Variants in NELL1 observed in about 807,000 individuals in gnomAD.
The protein encoded by NELL1 is neural EGFL like 1.
In NELL1, 76 loss-of-function variants were observed where a neutral mutation model predicts 107.4. The ratio of observed to expected loss-of-function variants is 0.71; its 90% CI spans 0.59 to 0.86. The LOEUF is 0.86. Among genes scored for constraint, NELL1 ranks in the 40% least tolerant of loss-of-function variants. The probability of loss-of-function intolerance (pLI) is 0.00; values close to 1 mark genes in which losing one functional copy is unlikely to be tolerated. For synonymous variants in NELL1, 353 were observed against 341.2 expected (o/e 1.03, Z -0.38); for missense variants, 1,024 against 1,005.5 (o/e 1.02, Z -0.25).
intron 12 of NELL1, among the ~76,000 whole-genome samples, chr11:21,050,044 A>G (rs1185453767): frequency 1.3e-5 from 2 of 152,200 alleles, no homozygotes; most frequent in Non-Finnish European, 2.9e-5. Context: ...GCAAACGCAG[A>G]TGTAGACATC....
At chr11:21,278,497 C>G (rs887398548) in intron 14 of NELL1, among the ~76,000 whole-genome samples, 2 of 152,010 alleles carry the variant, frequency 1.3e-5, no homozygotes, top group South Asian at 4.2e-4. Flanking sequence ...TGTATACTGG[C>G]AATGAACAAG....
chr11:21,435,398 G>GTT (rs34432802), intron 15 of NELL1, among the ~76,000 whole-genome samples: 2 of 146,208 alleles, frequency 1.4e-5, no homozygotes, highest in Non-Finnish European at 1.5e-5. Flanking sequence ...TTGTTTGTTT[G>GTT]TTTTTTACCA....
chr11:21,148,357 C>CG (rs1326513974), intron 13 of NELL1, among the ~76,000 whole-genome samples: 1 of 151,956 alleles, frequency 6.6e-6, no homozygotes, highest in African/African-American at 2.4e-5. Context: ...GAGAGGTCGC[C>CG]GGGGGGAGGG....
intron 4 of NELL1, among the ~76,000 whole-genome samples, chr11:20,876,895 G>T (rs1342416626): frequency 1.3e-5 from 2 of 152,220 alleles, no homozygotes; most frequent in African/African-American, 4.8e-5. Flanking sequence ...CCTATGGACT[G>T]AATGCTGAAT....
chr11:20,766,337 C>A (rs16906776), intron 2 of NELL1, among the ~76,000 whole-genome samples: 2 of 152,066 alleles, frequency 1.3e-5, no homozygotes, highest in African/African-American at 4.8e-5. Flanking sequence ...CAGATAGTGC[C>A]TCAAAGAGGA....
At chr11:21,419,338 A>C (rs550040636) in intron 15 of NELL1, among the ~76,000 whole-genome samples, 14 of 152,278 alleles carry the variant, frequency 9.2e-5, no homozygotes, top group Non-Finnish European at 1.9e-4. Flanking sequence ...AAATTGGAAA[A>C]AAAATTCTAT....
intron 2 of NELL1, among the ~76,000 whole-genome samples, chr11:20,722,691 G>A (rs1018338): frequency 1.3e-5 from 2 of 152,046 alleles, no homozygotes; most frequent in African/African-American, 2.4e-5. Context: ...AGTGCAAGCC[G>A]AAGAAGCCAG....
At chr11:20,754,464 C>T (rs562616190) in intron 2 of NELL1, among the ~76,000 whole-genome samples, 10 of 152,236 alleles carry the variant, frequency 6.6e-5, no homozygotes, top group South Asian at 2.1e-4. Context: ...GCAACTTGCA[C>T]GAACACGTCA....
intron 15 of NELL1, among the ~76,000 whole-genome samples, chr11:21,468,632 G>C (rs1019524839): frequency 6.6e-6 from 1 of 152,052 alleles, no homozygotes; most frequent in Non-Finnish European, 1.5e-5. Flanking sequence ...GAAAAAAAAT[G>C]AAGTGGGTTA....
chr11:21,170,049 C>T (rs1486746470), intron 13 of NELL1: 5 of 1,146,622 alleles, frequency 4.4e-6, no homozygotes, highest in Non-Finnish European at 6.5e-6. Flanking sequence ...GACCACATCC[C>T]TGAGCCTGAA....
chr11:20,901,678 T>G (rs1293109060), intron 5 of NELL1, among the ~76,000 whole-genome samples: 4 of 151,870 alleles, frequency 2.6e-5, no homozygotes, highest in Non-Finnish European at 5.9e-5. Context: ...GACTTAGCCA[T>G]CCAGATGTGA....
chr11:21,123,026 A>T (rs1160446264), intron 13 of NELL1, among the ~76,000 whole-genome samples: 3 of 152,174 alleles, frequency 2.0e-5, no homozygotes, highest in African/African-American at 4.8e-5. Flanking sequence ...AAAATGGTGA[A>T]GTTACTCCAA....
chr11:21,346,125 G>T (rs1850678980), intron 14 of NELL1, among the ~76,000 whole-genome samples: 1 of 152,136 alleles, frequency 6.6e-6, no homozygotes, highest in Admixed American at 6.5e-5. Context: ...AGCAAGCATG[G>T]CTGGACTCAA....
chr11:21,532,598 T>C (rs572766809), intron 15 of NELL1, among the ~76,000 whole-genome samples: 2 of 152,234 alleles, frequency 1.3e-5, no homozygotes, highest in South Asian at 2.1e-4. Flanking sequence ...ACCATGGCTA[T>C]TACCTAAAGT....
At chr11:21,233,914 A>G (rs1160900230) in intron 14 of NELL1, among the ~76,000 whole-genome samples, 3 of 152,216 alleles carry the variant, frequency 2.0e-5, no homozygotes, top group African/African-American at 7.2e-5. Context: ...TAAAACATAC[A>G]GTGAGTGTGA....
At chr11:20,756,370 A>T (rs1277883894) in intron 2 of NELL1, among the ~76,000 whole-genome samples, 2 of 144,660 alleles carry the variant, frequency 1.4e-5, no homozygotes, top group South Asian at 2.2e-4. Flanking sequence ...ATGGAGTCTC[A>T]CTCTTTCGCC....
At chr11:21,319,935 G>A (rs546250666) in intron 14 of NELL1, among the ~76,000 whole-genome samples, 12 of 151,878 alleles carry the variant, frequency 7.9e-5, no homozygotes, top group Admixed American at 3.3e-4. Context: ...TATTTGTGCC[G>A]GCTTATGAAA....
At chr11:21,531,859 A>G (rs1855998303) in intron 15 of NELL1, among the ~76,000 whole-genome samples, 1 of 152,078 alleles carries the variant, frequency 6.6e-6, no homozygotes, top group Non-Finnish European at 1.5e-5. Flanking sequence ...TATAATTTGT[A>G]AATTCCCCAA....
chr11:21,199,239 A>G (rs1018496343), intron 13 of NELL1, among the ~76,000 whole-genome samples: 5 of 152,092 alleles, frequency 3.3e-5, no homozygotes, highest in African/African-American at 1.2e-4. Context: ...CTTACCTTAA[A>G]TCCATTGGGC....
Sources: gnomAD v4.1 joint callset for allele counts (sites outside exome capture counted in the v4.1 genomes callset) on GRCh38, gnomAD v4.1.1 for gene constraint, MANE v1.5 for transcripts, NCBI Gene and HGNC (gene_info 2026-07-23, HGNC 2026-07-21) for gene names.